Variants in CLCN7 observed in about 807,000 individuals in gnomAD.
The protein encoded by CLCN7 is Cl-/H+ antiporter 7.
A neutral mutation model predicts 102.1 loss-of-function variants in CLCN7; 60 were observed. The observed-to-expected ratio is 0.59, with a 90% confidence interval of 0.48 to 0.73. The LOEUF is 0.73. Among genes scored for constraint, CLCN7 ranks in the 30% least tolerant of loss-of-function variants. CLCN7 has a pLI of 0.00. For missense variants in CLCN7, 962 were observed against 1,125.7 expected, an observed-to-expected ratio of 0.85 and a Z score of 2.08; for synonymous variants, 560 against 490.5, an observed-to-expected ratio of 1.14 and a Z score of -1.87.
intron 15 of CLCN7, 53 bp downstream of exon 15, chr16:1,452,702 G>T (rs2038770771): frequency 6.5e-7 from 1 of 1,546,586 alleles, no homozygotes; most frequent in East Asian, 2.4e-5. Context: ...CCTCCTGGAG[G>T]CCGCCCTGTG....
chr16:1,461,561 A>G, intron 3 of CLCN7, 42 bp downstream of exon 3: 1 of 1,610,898 alleles, frequency 6.2e-7, no homozygotes, highest in Non-Finnish European at 8.5e-7. Flanking sequence ...GGCAGGGGGC[A>G]GAGGCCGGGT....
chr16:1,454,779 G>A (rs908401688), intron 12 of CLCN7, among the ~76,000 whole-genome samples: 16 of 152,206 alleles, frequency 1.1e-4, no homozygotes, highest in Admixed American at 3.9e-4. Flanking sequence ...CCGCCCTATC[G>A]ATGGCACGGA....
At position 1,455,248 on chromosome 16, in the gene CLCN7, G is replaced by T; in HGVS notation, c.984C>A (p.Phe328Leu). 1.2e-6 allele frequency: 2 copies of T among 1,601,550 alleles called. No individual in the cohort carries two copies. Among genetic ancestry groups the T allele is most frequent in the South Asian group, 1.1e-5 (1 of 90,848 alleles). The change falls in exon 12 of 25, where the codon TTC (phenylalanine) becomes TTA (leucine). Residue 328 changes from phenylalanine to leucine, a missense_variant and splice_region_variant. Physicochemically the swap from Phe to Leu is conservative, Grantham distance 22. Around this residue, in one of 2 missense-constraint regions of CLCN7, gnomAD observed 799 missense variants for 988.0 expected, o/e 0.81. Coordinates refer to ENST00000382745, the MANE Select transcript of CLCN7 (RefSeq NM_001287.6). ...TGAACGTGGAGATCATGGAAGCAAA[G>T]AACTGCGGCAGAGGGCAGGAAACCA... ...FWNQFLTWRIFFASMISTFTL... is the reference protein window; with the variant it reads ...FWNQFLTWRILFASMISTFTL...
Position 1,447,433 on chromosome 16 carries a change from G to A in CLCN7, c.2209C>T (p.Leu737Phe), listed in dbSNP as rs918083846. ...SQDERECTMDLSEFMNPSPYT... is the reference protein window; with the variant it reads ...SQDERECTMDFSEFMNPSPYT... ...GGGGAGGGGTTCATGAACTCGGAGA[G>A]GTCCATGGTGCACTCCCGCTCGTCC... The change falls in exon 23 of 25, where the codon CTC (leucine) becomes TTC (phenylalanine). Residue 737 changes from leucine to phenylalanine, a missense_variant. Leu to Phe is a conservative substitution (Grantham distance 22). Coordinates refer to ENST00000382745, the MANE Select transcript of CLCN7 (RefSeq NM_001287.6). 45 of 1,551,952 alleles carry A rather than the reference G, an allele frequency of 2.9e-5. No homozygotes were observed. Among genetic ancestry groups the A allele is most frequent in the Non-Finnish European group, 3.9e-5 (45 of 1,147,934 alleles).
chr16:1,450,699 C>T lies in CLCN7; in HGVS notation c.1448-33G>A, dbSNP rs374798661. 1.8e-4 allele frequency: 231 copies of T among 1,308,856 alleles called. 2 individuals are homozygous for T. Among genetic ancestry groups the T allele is most frequent in the Non-Finnish European group, 2.1e-4 (201 of 957,078 alleles). The allele number at this position is 1,308,856 out of a possible 1,614,324, so 81.1% of individuals were successfully genotyped here. A position where few individuals can be genotyped will look rare whatever the true frequency, so the allele number is the denominator to read the frequency against. ...AGAAGAGGGGCTGACGGGGCCTCCA[C>T]GACTCCCGCCTCCGCAGGACTGCCC... On this transcript the variant is annotated intron_variant, in intron 16 of 24. Coordinates refer to ENST00000382745, the MANE Select transcript of CLCN7 (RefSeq NM_001287.6).
intron 14 of CLCN7, 25 bp from the exon 15 acceptor site, chr16:1,452,918 G>C (rs1417507898): frequency 6.4e-7 from 1 of 1,558,844 alleles, no homozygotes; most frequent in Non-Finnish European, 8.7e-7. Context: ...CAGGCTGCAT[G>C]GCAGGCAGGA....
intron 1 of CLCN7, among the ~76,000 whole-genome samples, chr16:1,469,665 G>A (rs1567276786): frequency 6.6e-6 from 1 of 152,170 alleles, no homozygotes; most frequent in Non-Finnish European, 1.5e-5. Context: ...CAGCCTGGGC[G>A]ACAGAGGGAG....
intron 21 of CLCN7, 142 bp from the exon 22 acceptor site, chr16:1,447,856 C>T: frequency 1.1e-6 from 1 of 900,540 alleles, no homozygotes; most frequent in South Asian, 1.5e-5. Context: ...TACCTGCTCA[C>T]ACCAGCCTCG....
intron 1 of CLCN7, among the ~76,000 whole-genome samples, chr16:1,474,576 C>T (rs902208803): frequency 2.6e-5 from 4 of 152,214 alleles, no homozygotes; most frequent in African/African-American, 9.7e-5. Flanking sequence ...CCCCACATTC[C>T]GCGGGGTCTG....
chr16:1,472,881 G>A (rs1330038607), intron 1 of CLCN7, among the ~76,000 whole-genome samples: 1 of 146,988 alleles, frequency 6.8e-6, no homozygotes, highest in East Asian at 2.0e-4. Flanking sequence ...CTCTGCCTCA[G>A]CCTCCCGAGC....
chr16:1,465,202 T>A, intron 2 of CLCN7, 65 bp downstream of exon 2: 1 of 1,515,410 alleles, frequency 6.6e-7, no homozygotes, highest in East Asian at 2.3e-5. Context: ...CCCGTGCCCA[T>A]CCCTGTCACC....
In CLCN7 at chr16:1,446,066, G is replaced by A; in HGVS notation, c.*565C>T. On this transcript the variant is annotated 3_prime_UTR_variant, in exon 25 of 25. Coordinates refer to ENST00000382745, the MANE Select transcript of CLCN7 (RefSeq NM_001287.6). ...TGGGGCTCCTCTGTGGCGCCAGTGT[G>A]AAGCTGCTCTCCGGGGCGGTCGCAG... is the stretch of plus-strand genomic sequence containing the variant. The A allele has an allele frequency of 1.2e-5, 7 of 585,518 alleles. 1 individual carries two copies. The South Asian group carries it at 1.5e-4, about 12-fold the overall frequency. The allele number at this position is 585,518 out of a possible 1,614,324, so 36.3% of individuals were successfully genotyped here.
In CLCN7 at chr16:1,450,520, G is replaced by C. The variant is rs1476244860; in HGVS notation, c.1594C>G (p.Leu532Val). Reference protein sequence around the residue: ...AAWGRLFGISLSYLTGAAIWA... With the variant: ...AAWGRLFGISVSYLTGAAIWA... ...ACCGCCGCCCCCGTGAGGTAGGACA[G>C]GGAGATCCCAAAGAGCCGGCCCCAG... Residue 532 changes from leucine (L) to valine (V), a missense_variant, in exon 17 of 25, where the codon CTG becomes GTG. Around this residue, in one of 2 missense-constraint regions of CLCN7, gnomAD observed 799 missense variants for 988.0 expected, o/e 0.81. Transcript: ENST00000382745. 1.2e-6 allele frequency: 2 copies of C among 1,608,392 alleles called. No homozygotes were observed. Among genetic ancestry groups the C allele is most frequent in the Non-Finnish European group, 1.7e-6 (2 of 1,178,252 alleles).
intron 2 of CLCN7, among the ~76,000 whole-genome samples, chr16:1,463,277 G>A (rs375569924): frequency 1.3e-5 from 2 of 152,128 alleles, no homozygotes; most frequent in Non-Finnish European, 2.9e-5. Context: ...GTGAGGCAAT[G>A]GTTTCTTAGA....
In CLCN7 at chr16:1,457,246, C is replaced by G; in HGVS notation, c.822+8G>C. ...TCTGGAGCCCACCCACACAAGATTTCAACTCACCTTGAAATCTCGTTTCAG... is the reference window on the plus strand; with the variant it reads ...TCTGGAGCCCACCCACACAAGATTTGAACTCACCTTGAAATCTCGTTTCAG... On this transcript the variant is annotated splice_region_variant and intron_variant, in intron 9 of 24. Transcript: ENST00000382745. The surrounding 1 kb of genome is among the most constrained non-coding windows in gnomAD (Gnocchi z 5.4). 5 of 1,613,748 alleles carry G rather than the reference C, an allele frequency of 3.1e-6. No individual in the cohort carries two copies. The highest frequency in any genetic ancestry group is 3.3e-4 in the Middle Eastern group (2 of 6,062).
chr16:1,453,743 A>G (rs980390387), intron 14 of CLCN7, 91 bp downstream of exon 14: 56 of 1,194,964 alleles, frequency 4.7e-5, no homozygotes, highest in Non-Finnish European at 6.8e-5. Context: ...GCTGTGGCCT[A>G]GGAGTGTAAA....
chr16:1,463,617 G>A (rs2142393262), intron 2 of CLCN7, among the ~76,000 whole-genome samples: 1 of 152,240 alleles, frequency 6.6e-6, no homozygotes, highest in Non-Finnish European at 1.5e-5. Context: ...GGGACCACAG[G>A]CGCACACCAC....
At chr16:1,460,672 G>A (rs1567272202) in intron 5 of CLCN7, 144 bp downstream of exon 5, 9 of 1,366,512 alleles carry the variant, frequency 6.6e-6, no homozygotes, top group South Asian at 2.4e-5. Context: ...GACGTCTCAC[G>A]GCCCAACCAT....
At position 1,474,857 on chromosome 16, in the gene CLCN7, C is replaced by G; in HGVS notation, c.118G>C (p.Ala40Pro). ...PGGGTPLLNGAGPGAARQSPR... is the reference protein window; with the variant it reads ...PGGGTPLLNGPGPGAARQSPR... Reference sequence around the variant, plus strand: ...ACCTGGCGCGCAGCCCCAGGCCCAGCCCCGTTCAGCAGCGGCGTCCCCCCG... The same window carrying G: ...ACCTGGCGCGCAGCCCCAGGCCCAGGCCCGTTCAGCAGCGGCGTCCCCCCG... Residue 40 changes from alanine to proline, a missense_variant, in exon 1 of 25, where the codon GCT becomes CCT. Physicochemically the swap from Ala to Pro is conservative, Grantham distance 27 (BLOSUM62 -1). Coordinates refer to ENST00000382745, the MANE Select transcript of CLCN7 (RefSeq NM_001287.6). The G allele has an allele frequency of 6.9e-7, 1 of 1,439,986 alleles. No individual in the cohort carries two copies. Among genetic ancestry groups the G allele is most frequent in the Non-Finnish European group, 9.1e-7 (1 of 1,098,782 alleles). The allele number at this position is 1,439,986 out of a possible 1,614,324, so 89.2% of individuals were successfully genotyped here.
Sources: gnomAD v4.1 joint callset for allele counts (sites outside exome capture counted in the v4.1 genomes callset) on GRCh38, gnomAD v4.1.1 for gene constraint, gnomAD v4.1.1 regional missense constraint, Gnocchi (gnomAD v3.1) non-coding constraint, MANE v1.5 for transcripts, NCBI Gene and HGNC (gene_info 2026-07-23, HGNC 2026-07-21) for gene names.